ATAD2B: variants seen among roughly 807,000 people sequenced by gnomAD.
The protein encoded by ATAD2B is ATPase family AAA domain containing 2B, also known as ATPase family AAA domain-containing protein 2B.
A neutral mutation model predicts 167.6 loss-of-function variants in ATAD2B; 40 were observed. That is an observed-to-expected ratio of 0.24 (90% CI 0.19 to 0.31). ATAD2B has a LOEUF of 0.31. Among genes scored for constraint, ATAD2B ranks in the 10% least tolerant of loss-of-function variants. The pLI is 1.00. For synonymous variants in ATAD2B, 579 were observed against 596.5 expected (o/e 0.97, Z 0.43); for missense variants, 1,242 against 1,757.2 (o/e 0.71, Z 5.24).
At chr2:23,874,339 T>C (rs973631842) in intron 8 of ATAD2B, among the ~76,000 whole-genome samples, 2 of 152,168 alleles carry the variant, frequency 1.3e-5, no homozygotes, top group African/African-American at 4.8e-5. Context: ...CAAATCTTCA[T>C]GACCTCTGAG....
Position 23,762,206 on chromosome 2 carries a change from C to T in ATAD2B, c.3394+3G>A, listed in dbSNP as rs761277981. 9.3e-6 allele frequency: 15 copies of T among 1,613,092 alleles called. No homozygotes were observed. The East Asian group carries it at 3.1e-4, about 34-fold the overall frequency. On this transcript the variant is annotated splice_donor_region_variant and intron_variant, in intron 24 of 27. Coordinates refer to ENST00000238789, the MANE Select transcript of ATAD2B (RefSeq NM_017552.4). ...ACTGGATAACATGAGCTGAAATACT[C>T]ACATGCACATTTATTTGCAGAGTTG...
At chr2:23,682,125 TC>T in the ATAD2B span, among the ~76,000 whole-genome samples, 1 of 152,058 alleles carries the variant, frequency 6.6e-6, no homozygotes, top group African/African-American at 2.4e-5. The surrounding 1 kb of genome is among the most constrained non-coding windows in gnomAD (Gnocchi z 4.1). Flanking sequence ...CCTCCCCACT[TC>T]CTTCCTGCAC....
chr2:23,824,302 T>A (rs1687916049), intron 15 of ATAD2B, among the ~76,000 whole-genome samples: 1 of 152,198 alleles, frequency 6.6e-6, no homozygotes, highest in South Asian at 2.1e-4. Context: ...TTTAAAAGAA[T>A]AATAGTTTCA....
At chr2:23,883,412 C>T (rs1359690259) in intron 6 of ATAD2B, among the ~76,000 whole-genome samples, 2 of 151,404 alleles carry the variant, frequency 1.3e-5, no homozygotes, top group East Asian at 1.9e-4. Context: ...CTAAATAATA[C>T]TATAAAATAC....
intron 1 of ATAD2B, chr2:23,900,623 T>C (rs1248086750): frequency 6.6e-6 from 1 of 152,180 alleles, no homozygotes; most frequent in East Asian, 1.9e-4. Context: ...ATGTGCACAT[T>C]AGAGTTTGAA....
At position 23,884,815 on chromosome 2, in the gene ATAD2B, C is replaced by T; in HGVS notation, c.734G>A (p.Ser245Asn). 6.2e-7 allele frequency: 1 copy of T among 1,602,112 alleles called. No individual in the cohort carries two copies. Among genetic ancestry groups the T allele is most frequent in the Non-Finnish European group, 8.5e-7 (1 of 1,173,986 alleles). Reference protein sequence around the residue: ...KRRRKSLRRNSYGIQNHHEVS... With the variant: ...KRRRKSLRRNNYGIQNHHEVS... ...TTCATGATGATTTTGTATCCCATAA[C>T]TATTTCTTCTTAGTGACTTTCTTCG... The change falls in exon 6 of 28, where the codon AGT becomes AAT. Residue 245 changes from serine (S) to asparagine (N), a missense_variant. By Grantham distance (46) the Ser-to-Asn change is conservative. Transcript: ENST00000238789.
intron 1 of ATAD2B, among the ~76,000 whole-genome samples, chr2:23,910,630 G>C (rs1198703895): frequency 1.3e-5 from 2 of 150,220 alleles, no homozygotes; most frequent in Non-Finnish European, 3.0e-5. Context: ...CAGTTTGGGA[G>C]GCCGAGGCAG....
In ATAD2B at chr2:23,914,735, G is replaced by A. The variant is rs372838020; in HGVS notation, c.216+11820C>T. ...CGGGCACCTGTAGTCCCAGCTACTCGGGAGGCTGAGGCAGGAGAATGGCGT... is the reference window on the plus strand; with the variant it reads ...CGGGCACCTGTAGTCCCAGCTACTCAGGAGGCTGAGGCAGGAGAATGGCGT... On this transcript the variant is annotated intron_variant, in intron 1 of 27. Transcript: ENST00000238789. Among the ~76,000 whole-genome samples, 124 of 151,992 alleles carry A rather than the reference G, an allele frequency of 8.2e-4. No individual in the cohort carries two copies. In the South Asian group the frequency reaches 0.012, roughly 15 times the overall value.
At chr2:23,739,406 C>G in the ATAD2B span, among the ~76,000 whole-genome samples, 2 of 152,114 alleles carry the variant, frequency 1.3e-5, no homozygotes, top group Admixed American at 1.3e-4. Flanking sequence ...TCACTCAAAA[C>G]CACTCAACTA....
At chr2:23,760,600 GT>G (rs961620013) in intron 24 of ATAD2B, among the ~76,000 whole-genome samples, 3 of 151,400 alleles carry the variant, frequency 2.0e-5, no homozygotes, top group Non-Finnish European at 2.9e-5. Flanking sequence ...GGAGGCGGAG[GT>G]TGCAGCGAGC....
At chr2:23,883,980 C>A (rs1333211737) in intron 6 of ATAD2B, among the ~76,000 whole-genome samples, 1 of 152,040 alleles carries the variant, frequency 6.6e-6, no homozygotes, top group Non-Finnish European at 1.5e-5. Flanking sequence ...CCCCTCTCTA[C>A]TAAAAATACA....
rs745711323 is a variant in ATAD2B at position 23,875,830 on chromosome 2, T to C, written c.976A>G (p.Arg326Gly). 1 of 1,604,406 alleles carries C rather than the reference T, an allele frequency of 6.2e-7. No homozygotes were observed. Among genetic ancestry groups the C allele is most frequent in the African/African-American group, 1.3e-5 (1 of 74,820 alleles). ...TTTCCTTTCAAAAACAAACCTTACC[T>C]AATATGGCTTCTTCTTGCTGGAGAT... ...HRSPARRSHIRRKKHAIHSSD... is the reference protein window; with the variant it reads ...HRSPARRSHIGRKKHAIHSSD... Residue 326 changes from arginine (R) to glycine (G), a missense_variant and splice_region_variant, in exon 8 of 28, where the codon AGG (arginine) becomes GGG (glycine). By Grantham distance (125) the Arg-to-Gly change is moderately radical (BLOSUM62 -2). Transcript: ENST00000238789.
chr2:23,837,081 C>CA (rs1253957820), intron 13 of ATAD2B, among the ~76,000 whole-genome samples: 1 of 152,218 alleles, frequency 6.6e-6, no homozygotes, highest in Admixed American at 6.5e-5. Context: ...GGGGCACCTG[C>CA]AGGCCAGTGC....
chr2:23,896,143 C>T (rs1460851332), intron 1 of ATAD2B, among the ~76,000 whole-genome samples, 173 bp from the exon 2 acceptor site: 1 of 149,930 alleles, frequency 6.7e-6, no homozygotes, highest in Non-Finnish European at 1.5e-5. Context: ...TGGTGAAACC[C>T]CGCCTCTACC....
intron 1 of ATAD2B, among the ~76,000 whole-genome samples, chr2:23,922,701 C>CAAAAAAAAAAAAAAAAAAAA (rs11386515): frequency 1.3e-4 from 17 of 126,442 alleles, no homozygotes; most frequent in South Asian, 2.5e-4. Flanking sequence ...GACTCTGTCT[C>CAAAAAAAAAAAAAAAAAAAA]AAAAAAAAAA....
At chr2:23,689,844 C>A in the ATAD2B span, 1 of 152,278 alleles carries the variant, frequency 6.6e-6, no homozygotes, top group Non-Finnish European at 1.5e-5. Flanking sequence ...TATTTTTACG[C>A]TTAACAAAGC....
intron 15 of ATAD2B, among the ~76,000 whole-genome samples, chr2:23,823,930 T>C (rs1459080784): frequency 6.6e-6 from 1 of 152,138 alleles, no homozygotes; most frequent in African/African-American, 2.4e-5. Flanking sequence ...CTTTTTTTTT[T>C]TTTTAAGAGA....
the ATAD2B span, among the ~76,000 whole-genome samples, chr2:23,713,313 A>G: frequency 2.6e-5 from 4 of 151,848 alleles, no homozygotes; most frequent in African/African-American, 9.7e-5. Flanking sequence ...TCACCCCCTA[A>G]ATTCTCCAGT....
intron 13 of ATAD2B, among the ~76,000 whole-genome samples, chr2:23,835,891 G>A (rs1689860195): frequency 6.6e-6 from 1 of 151,060 alleles, no homozygotes; most frequent in Non-Finnish European, 1.5e-5. Context: ...AGCTGAAGTC[G>A]CACCATTGTA....
Sources: gnomAD v4.1 joint callset for allele counts (sites outside exome capture counted in the v4.1 genomes callset) on GRCh38, gnomAD v4.1.1 for gene constraint, Gnocchi (gnomAD v3.1) non-coding constraint, MANE v1.5 for transcripts, NCBI Gene and HGNC (gene_info 2026-07-23, HGNC 2026-07-21) for gene names.